The following TRIO variants were observed in gnomAD, a reference collection of about 807,000 sequenced individuals.
The protein encoded by TRIO is trio Rho guanine nucleotide exchange factor, also known as triple functional domain protein.
Under a neutral mutation model 351.9 loss-of-function variants are expected in TRIO, and 58 were observed. The ratio of observed to expected loss-of-function variants is 0.16; its 90% confidence interval spans 0.13 to 0.21. The LOEUF (loss-of-function observed/expected upper bound fraction) is 0.21. Ranked by LOEUF, TRIO falls within the 10% of genes least tolerant of loss-of-function variation. The pLI is 1.00. For missense variants in TRIO, 3,201 were observed against 4,027.8 expected (o/e 0.79, Z 5.56); for synonymous variants, 1,758 against 1,595.7 (o/e 1.10, Z -2.42).
intron 1 of TRIO, among the ~76,000 whole-genome samples, chr5:14,156,996 T>C (rs554792236): frequency 6.6e-6 from 1 of 152,326 alleles, no homozygotes; most frequent in African/African-American, 2.4e-5. Flanking sequence ...AAACAGTTTG[T>C]CATCTTCATC....
At chr5:14,491,118 C>T (rs1023302844) in intron 48 of TRIO, among the ~76,000 whole-genome samples, 3 of 152,304 alleles carry the variant, frequency 2.0e-5, no homozygotes, top group African/African-American at 7.2e-5. Flanking sequence ...ATTCATAGCC[C>T]TGGCACCTGG....
At chr5:14,470,019 C>T (rs917645445) in intron 37 of TRIO, among the ~76,000 whole-genome samples, 2 of 152,176 alleles carry the variant, frequency 1.3e-5, no homozygotes, top group Non-Finnish European at 2.9e-5. Flanking sequence ...ATCTGATGAG[C>T]GTGAAACAAG....
intron 1 of TRIO, among the ~76,000 whole-genome samples, chr5:14,208,474 A>AG (rs1431768504): frequency 6.6e-6 from 1 of 152,256 alleles, no homozygotes; most frequent in African/African-American, 2.4e-5. Context: ...TAGGCAAAAA[A>AG]GCATTTCAGT....
At position 14,286,794 on chromosome 5, in the gene TRIO, G is replaced by C; in HGVS notation, c.348-77G>C. ...AGCAGGGGAGGGAAGCTGGGTCTGT[G>C]GCACCCAGTGGGACTCTGACCAGGC... On this transcript the variant is annotated intron_variant, in intron 3 of 56. Transcript: ENST00000344204. The surrounding 1 kb of genome is among the most constrained non-coding windows in gnomAD (Gnocchi z 4.4). 1 of 1,491,854 alleles carries C rather than the reference G, an allele frequency of 6.7e-7. No individual in the cohort carries two copies. The highest frequency in any genetic ancestry group is 9.1e-7 in the Non-Finnish European group (1 of 1,104,114). 92.4% of individuals were successfully genotyped at this position (1,491,854 alleles called of 1,614,324 possible). A position where few individuals can be genotyped will look rare whatever the true frequency, so the allele number is the denominator to read the frequency against.
At chr5:14,482,059 T>C (rs1275714237) in intron 45 of TRIO, among the ~76,000 whole-genome samples, 2 of 152,230 alleles carry the variant, frequency 1.3e-5, no homozygotes, top group African/African-American at 4.8e-5. Context: ...ACATATTAGC[T>C]ATTACATATC....
chr5:14,204,432 T>A (rs368018391), intron 1 of TRIO, among the ~76,000 whole-genome samples: 2 of 152,240 alleles, frequency 1.3e-5, no homozygotes, highest in East Asian at 1.9e-4. Context: ...GGTCTGTCTT[T>A]ATGATCGTGG....
At chr5:14,485,459 G>A (rs1359965655) in intron 47 of TRIO, among the ~76,000 whole-genome samples, 1 of 152,182 alleles carries the variant, frequency 6.6e-6, no homozygotes, top group East Asian at 1.9e-4. Flanking sequence ...GAAAGCTGGG[G>A]CACTGAGCGG....
intron 1 of TRIO, among the ~76,000 whole-genome samples, chr5:14,151,584 A>T (rs1316893754): frequency 6.6e-6 from 1 of 152,238 alleles, no homozygotes; most frequent in Admixed American, 6.5e-5. Flanking sequence ...TATAAATGAC[A>T]TGAATGCTTT....
At chr5:14,450,053 A>G (rs943334887) in intron 34 of TRIO, among the ~76,000 whole-genome samples, 1 of 152,224 alleles carries the variant, frequency 6.6e-6, no homozygotes, top group East Asian at 1.9e-4. Context: ...ACATTTTCCA[A>G]TGCTTATGTA....
chr5:14,491,177 G>C (rs950179337), intron 48 of TRIO, among the ~76,000 whole-genome samples: 4 of 152,198 alleles, frequency 2.6e-5, no homozygotes, highest in Non-Finnish European at 5.9e-5. Context: ...ACCTCATGGA[G>C]GAGGGCCAGA....
At position 14,369,478 on chromosome 5, in the gene TRIO, G is replaced by A. The variant is rs760155019; in HGVS notation, c.3171G>A (p.Thr1057=). ...CAAACTCTGAGACGGACCACGTGAC[G>A]CCCATGATCAGCAAGCACCTGGAGC... is the stretch of plus-strand genomic sequence containing the variant. ...LGPNSETDHV[T]PMISKHLEQK... Residue 1057 remains threonine, a synonymous_variant, in exon 18 of 57, where the codon ACG becomes ACA. Transcript: ENST00000344204. 5.6e-6 allele frequency: 9 copies of A among 1,614,106 alleles called. No homozygotes were observed. The highest frequency in any genetic ancestry group is 4.5e-5 in the East Asian group (2 of 44,874).
intron 1 of TRIO, among the ~76,000 whole-genome samples, chr5:14,177,884 CG>C (rs1340102884): frequency 6.6e-6 from 1 of 152,218 alleles, no homozygotes; most frequent in Non-Finnish European, 1.5e-5. Context: ...AAAGCAAAAT[CG>C]GTCCTCACCA....
intron 7 of TRIO, among the ~76,000 whole-genome samples, chr5:14,300,561 T>C (rs1737789419): frequency 6.6e-6 from 1 of 152,214 alleles, no homozygotes; most frequent in African/African-American, 2.4e-5. Flanking sequence ...TCTATGACTT[T>C]AGGCCTTCTG....
At chr5:14,367,623 G>A (rs1744715739) in intron 16 of TRIO, among the ~76,000 whole-genome samples, 1 of 152,186 alleles carries the variant, frequency 6.6e-6, no homozygotes, top group South Asian at 2.1e-4. Flanking sequence ...TTTGGTATGG[G>A]TAGGGCACAT....
At chr5:14,470,151 A>G (rs1754579981) in intron 37 of TRIO, among the ~76,000 whole-genome samples, 1 of 152,208 alleles carries the variant, frequency 6.6e-6, no homozygotes, top group African/African-American at 2.4e-5. Flanking sequence ...CTGTTTTTCA[A>G]AAATAAGATC....
intron 2 of TRIO, among the ~76,000 whole-genome samples, chr5:14,274,689 T>C (rs1468795783): frequency 2.0e-5 from 3 of 152,228 alleles, no homozygotes; most frequent in African/African-American, 7.2e-5. Context: ...GTTTTCAGGC[T>C]ATTGAAAAAG....
At chr5:14,347,868 A>G (rs1376554834) in intron 11 of TRIO, among the ~76,000 whole-genome samples, 1 of 152,238 alleles carries the variant, frequency 6.6e-6, no homozygotes, top group Non-Finnish European at 1.5e-5. Flanking sequence ...TCAGATCCCA[A>G]CAGATCTCAG....
At chr5:14,262,620 G>A (rs1466049093) in intron 1 of TRIO, among the ~76,000 whole-genome samples, 2 of 152,162 alleles carry the variant, frequency 1.3e-5, no homozygotes, top group Non-Finnish European at 2.9e-5. Context: ...AATAGCACAT[G>A]AGGGCAATGC....
chr5:14,162,833 G>GTC (rs928340677), intron 1 of TRIO, among the ~76,000 whole-genome samples: 34 of 152,048 alleles, frequency 2.2e-4, no homozygotes, highest in African/African-American at 8.2e-4. Context: ...TTGAGACAGT[G>GTC]TCTCTCTCTC....
Sources: gnomAD v4.1 joint callset for allele counts (sites outside exome capture counted in the v4.1 genomes callset) on GRCh38, gnomAD v4.1.1 for gene constraint, Gnocchi (gnomAD v3.1) non-coding constraint, MANE v1.5 for transcripts, NCBI Gene and HGNC (gene_info 2026-07-23, HGNC 2026-07-21) for gene names.